Variants in ZNF695 observed in about 807,000 individuals in gnomAD.
ZNF695 encodes zinc finger protein SBZF3.
In ZNF695, 11 loss-of-function variants were observed where a neutral mutation model predicts 11.2. The ratio of observed to expected loss-of-function variants is 0.98; its 90% CI spans 0.62 to 1.62. The LOEUF is 1.62. ZNF695 is among the 40% of genes most tolerant of loss of function. The pLI, the probability that ZNF695 is intolerant of heterozygous loss-of-function variation, is 0.00. For missense variants in ZNF695, 559 were observed against 590.5 expected, an observed-to-expected ratio of 0.95 and a Z score of 0.55; for synonymous variants, 190 against 201.4, an observed-to-expected ratio of 0.94 and a Z score of 0.48.
intron 1 of ZNF695, among the ~76,000 whole-genome samples, chr1:247,006,345 G>A: frequency 6.6e-6 from 1 of 152,110 alleles, no homozygotes; most frequent in Non-Finnish European, 1.5e-5. Flanking sequence ...GGGCGCGGTG[G>A]TTCATGCCTG....
intron 5 of ZNF695, among the ~76,000 whole-genome samples, chr1:246,965,118 A>G (rs143154993): frequency 0.051 from 7,826 of 152,112 alleles, 654 homozygotes; most frequent in African/African-American, 0.17. Context: ...CTGTAATCCC[A>G]GCACTTTGGG....
At chr1:246,974,620 C>T (rs137980467) in intron 4 of ZNF695, among the ~76,000 whole-genome samples, 1 of 151,950 alleles carries the variant, frequency 6.6e-6, no homozygotes, top group African/African-American at 2.4e-5. Context: ...AGAGAGTGGG[C>T]ATAATGGAAG....
intron 4 of ZNF695, among the ~76,000 whole-genome samples, chr1:246,975,676 G>C (rs1668539515): frequency 6.6e-6 from 1 of 152,176 alleles, no homozygotes; most frequent in Non-Finnish European, 1.5e-5. Flanking sequence ...AGGCAGAGGA[G>C]CTAGGAAGCA....
At position 246,987,488 on chromosome 1, in the gene ZNF695, T is replaced by C; in HGVS notation, c.1027A>G (p.Arg343Gly). 6.2e-7 allele frequency: 1 copy of C among 1,610,626 alleles called. No homozygotes were observed. Among genetic ancestry groups the C allele is most frequent in the Non-Finnish European group, 8.5e-7 (1 of 1,178,490 alleles). The change falls in exon 4 of 4, where the codon AGA becomes GGA. Residue 343 changes from arginine (R) to glycine (G), a missense_variant. Transcript: ENST00000339986. ...GTTTTCTCTCCAGTATGAATTCTTCTATGTTGAGTAAGGTATGACAACAAT... is the reference window on the plus strand; with the variant it reads ...GTTTTCTCTCCAGTATGAATTCTTCCATGTTGAGTAAGGTATGACAACAAT... ...FKLLSYLTQH[R>G]RIHTGEKTFR... is the part of the protein sequence containing the mutation.
intron 1 of ZNF695, among the ~76,000 whole-genome samples, chr1:247,002,391 C>G (rs957282959): frequency 2.0e-5 from 3 of 152,132 alleles, no homozygotes; most frequent in African/African-American, 7.2e-5. Context: ...GCTAAATGCC[C>G]AGTTCAAAAA....
chr1:246,964,113 G>A (rs536547110), intron 5 of ZNF695, among the ~76,000 whole-genome samples: 15 of 152,206 alleles, frequency 9.9e-5, no homozygotes, highest in African/African-American at 1.9e-4. Context: ...TGGCTTCCAC[G>A]CCCCCTCCAG....
chr1:246,987,138 A>G lies in ZNF695; in HGVS notation c.1377T>C (p.Thr459=), dbSNP rs1286420910. The change falls in exon 4 of 4, where the codon ACT becomes ACC. Residue 459 remains threonine (T), a synonymous_variant. Coordinates refer to ENST00000339986, the MANE Select transcript of ZNF695 (RefSeq NM_020394.5). ...SYLTNHKRIH[T]GEKPYKCEEC... is the part of the protein sequence containing the mutation. ...CTTCACATTTGTAGGGTTTCTCTCC[A>G]GTATGAATTCTCTTATGATTAGTAA... 4.3e-6 allele frequency: 7 copies of G among 1,614,072 alleles called. No individual in the cohort carries two copies. The highest frequency in any genetic ancestry group is 5.9e-6 in the Non-Finnish European group (7 of 1,179,994).
chr1:247,006,331 A>C (rs1280463590), intron 1 of ZNF695, among the ~76,000 whole-genome samples: 1 of 144,236 alleles, frequency 6.9e-6, no homozygotes, highest in African/African-American at 2.6e-5. Context: ...AGGACAAATA[A>C]GCCGGGCGCG....
chr1:247,005,270 G>T (rs1669498953), intron 1 of ZNF695, among the ~76,000 whole-genome samples: 1 of 152,020 alleles, frequency 6.6e-6, no homozygotes, highest in Non-Finnish European at 1.5e-5. Flanking sequence ...AAAGAACCAA[G>T]AAAAAAATCC....
chr1:246,951,682 TACA>T (rs1667872667), intron 5 of ZNF695, among the ~76,000 whole-genome samples: 1 of 152,220 alleles, frequency 6.6e-6, no homozygotes, highest in Non-Finnish European at 1.5e-5. Flanking sequence ...GGTCCTTAGC[TACA>T]ACGATCCAAA....
chr1:246,967,371 C>T, intron 5 of ZNF695: 1 of 456,396 alleles, frequency 2.2e-6, no homozygotes. Context: ...ATGCTGGTGG[C>T]CTGGACAAGG....
chr1:246,994,079 G>T (rs1669121736), intron 3 of ZNF695, among the ~76,000 whole-genome samples: 1 of 152,114 alleles, frequency 6.6e-6, no homozygotes, highest in Non-Finnish European at 1.5e-5. Context: ...GGAGCCTGAG[G>T]CACAAGAATC....
chr1:246,977,450 G>T (rs1260566111), intron 4 of ZNF695, among the ~76,000 whole-genome samples: 2 of 152,134 alleles, frequency 1.3e-5, no homozygotes, highest in East Asian at 3.9e-4. Context: ...TAGAGGCGGG[G>T]TTTTGCCATG....
chr1:246,991,845 A>G lies in ZNF695; in HGVS notation c.260-3590T>C, dbSNP rs151134883. Among the ~76,000 whole-genome samples, 666 of 152,332 alleles carry G rather than the reference A, an allele frequency of 4.4e-3. 4 individuals carry two copies. The highest frequency in any genetic ancestry group is 0.015 in the African/African-American group (623 of 41,570). ...TGTTGGTTCCAGCACTATTCACAACAGCCAGACTTTGGAAGCAACCTAAGT... is the reference window on the plus strand; with the variant it reads ...TGTTGGTTCCAGCACTATTCACAACGGCCAGACTTTGGAAGCAACCTAAGT... On this transcript the variant is annotated intron_variant, in intron 3 of 3. Coordinates refer to ENST00000339986, the MANE Select transcript of ZNF695 (RefSeq NM_020394.5).
chr1:246,972,096 C>G (rs114221800), intron 4 of ZNF695, among the ~76,000 whole-genome samples: 2,092 of 152,350 alleles, frequency 0.014, 48 homozygotes, highest in African/African-American at 0.046. Flanking sequence ...TGGAGCCCAA[C>G]AAGTGCAGAG....
intron 5 of ZNF695, among the ~76,000 whole-genome samples, chr1:246,958,895 GGAA>G (rs771183058): frequency 1.3e-5 from 2 of 151,986 alleles, no homozygotes; most frequent in Non-Finnish European, 2.9e-5. Context: ...CCACTCACGG[GGAA>G]GAAGAAGTGT....
At chr1:246,999,681 G>A (rs745644709) in intron 2 of ZNF695, among the ~76,000 whole-genome samples, 3 of 152,200 alleles carry the variant, frequency 2.0e-5, no homozygotes, top group Non-Finnish European at 4.4e-5. Flanking sequence ...ATTTTGAAGT[G>A]TAGGCAACAA....
chr1:247,005,734 C>T (rs745969468), intron 1 of ZNF695, among the ~76,000 whole-genome samples: 6 of 151,906 alleles, frequency 3.9e-5, no homozygotes, highest in Non-Finnish European at 5.9e-5. Context: ...ACTTGGCCCC[C>T]GTCTCTAGGC....
chr1:246,996,102 T>C (rs1006811682), intron 3 of ZNF695: 6 of 442,408 alleles, frequency 1.4e-5, no homozygotes, highest in Admixed American at 2.5e-5. Flanking sequence ...TCCCAGCACT[T>C]TGGGAGGCCA....
Sources: gnomAD v4.1 joint callset for allele counts (sites outside exome capture counted in the v4.1 genomes callset) on GRCh38, gnomAD v4.1.1 for gene constraint, MANE v1.5 for transcripts, NCBI Gene and HGNC (gene_info 2026-07-23, HGNC 2026-07-21) for gene names.